The following AIM2 variants were observed in gnomAD, a reference collection of about 807,000 sequenced individuals.
AIM2 encodes interferon-inducible protein AIM2.
A neutral mutation model predicts 27.7 loss-of-function variants in AIM2; 30 were observed. The ratio of observed to expected loss-of-function variants is 1.08; its 90% CI spans 0.81 to 1.47. AIM2 has a LOEUF of 1.47. AIM2 is among the 40% of genes most tolerant of loss of function. AIM2 has a pLI of 0.00. For missense variants in AIM2, 358 were observed against 411.3 expected, an observed-to-expected ratio of 0.87 and a Z score of 1.12; for synonymous variants, 141 against 145.3, an observed-to-expected ratio of 0.97 and a Z score of 0.21.
intron 1 of AIM2, chr1:159,122,509 C>T (rs1394964501): frequency 6.6e-6 from 1 of 152,266 alleles, no homozygotes; most frequent in Non-Finnish European, 1.5e-5. Context: ...AGCAGTGGCC[C>T]CTGGATGGGA....
At chr1:159,146,162 C>T (rs974489423) in intron 1 of AIM2, among the ~76,000 whole-genome samples, 7 of 151,740 alleles carry the variant, frequency 4.6e-5, no homozygotes, top group African/African-American at 1.7e-4. Context: ...TGAAGTATCT[C>T]TTTGGTCAAG....
chr1:159,082,797 C>T (rs1016828540), intron 1 of AIM2, among the ~76,000 whole-genome samples: 1 of 152,182 alleles, frequency 6.6e-6, no homozygotes, highest in Non-Finnish European at 1.5e-5. Flanking sequence ...CACAAACATT[C>T]AGTCCACAAG....
chr1:159,075,534 T>TAAAC (rs1656564849), intron 1 of AIM2, among the ~76,000 whole-genome samples: 1 of 129,470 alleles, frequency 7.7e-6, no homozygotes, highest in Admixed American at 7.9e-5. Flanking sequence ...ATACCTGCAA[T>TAAAC]ACACACACAC....
intron 1 of AIM2, among the ~76,000 whole-genome samples, chr1:159,105,594 T>C (rs73023738): frequency 0.11 from 17,483 of 152,146 alleles, 1,698 homozygotes; most frequent in African/African-American, 0.25. Context: ...GGGTAGCTCC[T>C]ATACACAGGC....
At chr1:159,116,940 A>AT (rs1256288714) in intron 1 of AIM2, among the ~76,000 whole-genome samples, 1 of 152,124 alleles carries the variant, frequency 6.6e-6, no homozygotes, top group Admixed American at 6.5e-5. Flanking sequence ...AAGGTACTGA[A>AT]TTTTTTTAAG....
At chr1:159,130,800 C>CCACACA (rs10557540) in intron 1 of AIM2, among the ~76,000 whole-genome samples, 96 of 145,160 alleles carry the variant, frequency 6.6e-4, no homozygotes, top group Middle Eastern at 3.5e-3. Context: ...AGCCTGGTCA[C>CCACACA]CACACACACA....
At chr1:159,064,746 T>C (rs1656004559) in intron 4 of AIM2, among the ~76,000 whole-genome samples, 1 of 152,176 alleles carries the variant, frequency 6.6e-6, no homozygotes, top group Non-Finnish European at 1.5e-5. Flanking sequence ...ATTACAGGCA[T>C]GAGCTGCCGC....
At position 159,139,425 on chromosome 1, in the gene AIM2, A is replaced by G. The variant is rs1648069811; in HGVS notation, c.-16+1006T>C. Among the ~76,000 whole-genome samples the G allele has an allele frequency of 6.6e-5, 10 of 152,320 alleles. No individual in the cohort carries two copies. The South Asian group carries it at 2.1e-3, about 32-fold the overall frequency. On this transcript the variant is annotated intron_variant, in intron 1 of 2. Coordinates refer to the AIM2 transcript ENST00000368129. ...CCCTCCCCGTATGCTTAGGAGAAAGACAAAAGCAACTTGAAAACTAACATA... is the reference window on the plus strand; with the variant it reads ...CCCTCCCCGTATGCTTAGGAGAAAGGCAAAAGCAACTTGAAAACTAACATA...
Position 159,073,437 on chromosome 1 carries a change from T to C in AIM2, c.63A>G (p.Glu21=). 1 of 1,614,136 alleles carries C rather than the reference T, an allele frequency of 6.2e-7. No homozygotes were observed. Among genetic ancestry groups the C allele is most frequent in the Non-Finnish European group, 8.5e-7 (1 of 1,180,014 alleles). Residue 21 remains glutamate (E), a synonymous_variant, in exon 2 of 6, where the codon GAA becomes GAG. Coordinates refer to ENST00000368130, the MANE Select transcript of AIM2 (RefSeq NM_004833.3). ...LTGLDNITDE[E]LDRFKFFLSD... Reference sequence around the variant, plus strand: ...AAAGAAAGAACTTAAACCTATCCAGTTCCTCATCAGTGATGTTATCCAGGC... The same window carrying C: ...AAAGAAAGAACTTAAACCTATCCAGCTCCTCATCAGTGATGTTATCCAGGC...
At chr1:159,126,550 G>A (rs1336303266) in intron 1 of AIM2, among the ~76,000 whole-genome samples, 1 of 151,516 alleles carries the variant, frequency 6.6e-6, no homozygotes, top group Non-Finnish European at 1.5e-5. Flanking sequence ...TCGAGAGGCT[G>A]AGGCAGGAGA....
At chr1:159,123,090 T>C (rs554114586) in intron 1 of AIM2, among the ~76,000 whole-genome samples, 1 of 152,256 alleles carries the variant, frequency 6.6e-6, no homozygotes, top group South Asian at 2.1e-4. Flanking sequence ...ACAAGTGGCT[T>C]CCTATTATGC....
chr1:159,090,132 C>T (rs1657012930), intron 1 of AIM2, among the ~76,000 whole-genome samples: 1 of 152,236 alleles, frequency 6.6e-6, no homozygotes, highest in Admixed American at 6.5e-5. Flanking sequence ...GGATTGGCTG[C>T]AGCCCTCACT....
intron 1 of AIM2, among the ~76,000 whole-genome samples, chr1:159,111,149 G>C (rs562484475): frequency 6.6e-6 from 1 of 152,264 alleles, no homozygotes; most frequent in South Asian, 2.1e-4. Flanking sequence ...ACCACAGCAA[G>C]AACAGGTAGG....
intron 1 of AIM2, among the ~76,000 whole-genome samples, chr1:159,091,705 G>A (rs1444046519): frequency 6.6e-6 from 1 of 152,200 alleles, no homozygotes; most frequent in Non-Finnish European, 1.5e-5. Flanking sequence ...TAACTTAGGG[G>A]GTGATGTATA....
rs148869434 is a variant in AIM2 at position 159,086,360 on chromosome 1, T to C, written c.-15-20031A>G. 3.6e-3 allele frequency among the ~76,000 whole-genome samples: 543 copies of C among 152,364 alleles called. 1 individual carries two copies. The highest frequency in any genetic ancestry group is 6.5e-3 in the Non-Finnish European group (439 of 68,036). ...CTCTCCTCTTTCCACCTCATAAACA[T>C]GGATGCTTTGTTTGTGACATGAGGC... On this transcript the variant is annotated intron_variant, in intron 1 of 2. Coordinates refer to the AIM2 transcript ENST00000368129.
chr1:159,061,053 T>C (rs1655817588), downstream of AIM2, among the ~76,000 whole-genome samples: 1 of 152,200 alleles, frequency 6.6e-6, no homozygotes. Flanking sequence ...CTTAGCATTG[T>C]AGATGCATAT....
intron 1 of AIM2, among the ~76,000 whole-genome samples, chr1:159,114,176 G>A (rs1647266997): frequency 1.3e-5 from 2 of 152,142 alleles, no homozygotes; most frequent in African/African-American, 2.4e-5. Flanking sequence ...AAGAACTCAA[G>A]TCAAAGCAAA....
intron 1 of AIM2, among the ~76,000 whole-genome samples, chr1:159,102,555 A>T (rs1657339525): frequency 1.3e-5 from 2 of 152,238 alleles, no homozygotes. Context: ...AACCCGTGAA[A>T]GCACCCGGCG....
Position 159,138,398 on chromosome 1 carries a change from C to T in AIM2, c.-16+2033G>A, listed in dbSNP as rs1028940945. Among the ~76,000 whole-genome samples the T allele has an allele frequency of 1.8e-4, 28 of 152,222 alleles. 1 individual carries two copies. The highest frequency in any genetic ancestry group is 1.8e-3 in the Admixed American group (28 of 15,284). ...CACTCAGGTCTTCACTCAAAAGCCA[C>T]CTCCTCTGAGAGGTCTTCCACAACC... On this transcript the variant is annotated intron_variant, in intron 1 of 2. Coordinates refer to the AIM2 transcript ENST00000368129.
Sources: gnomAD v4.1 joint callset for allele counts (sites outside exome capture counted in the v4.1 genomes callset) on GRCh38, gnomAD v4.1.1 for gene constraint, MANE v1.5 for transcripts, NCBI Gene and HGNC (gene_info 2026-07-23, HGNC 2026-07-21) for gene names.